The following SDK1 variants were observed in gnomAD, a reference collection of about 807,000 sequenced individuals.
SDK1 encodes the protein protein sidekick-1.
SDK1 carries 157 observed loss-of-function variants against 245.5 expected under a neutral mutation model. The observed-to-expected ratio is 0.64, with a 90% CI of 0.56 to 0.73. The LOEUF (loss-of-function observed/expected upper bound fraction) is 0.73, where lower values mean the gene tolerates loss of function less well. Ranked by LOEUF, SDK1 falls within the 30% of genes least tolerant of loss-of-function variation. The probability of loss-of-function intolerance (pLI) is 0.00; values close to 1 mark genes in which losing one functional copy is unlikely to be tolerated. For synonymous variants in SDK1, 1,647 were observed against 1,278.5 expected, an observed-to-expected ratio of 1.29 and a Z score of -6.15; for missense variants, 3,583 against 3,002.3, an observed-to-expected ratio of 1.19 and a Z score of -4.52.
At chr7:3,769,239 G>C (rs1157863910) in intron 4 of SDK1, among the ~76,000 whole-genome samples, 1 of 152,168 alleles carries the variant, frequency 6.6e-6, no homozygotes, top group Non-Finnish European at 1.5e-5. Context: ...TGAAGAAAAA[G>C]AATGTATTTC....
At chr7:3,913,328 C>T (rs916958195) in intron 5 of SDK1, among the ~76,000 whole-genome samples, 1 of 145,822 alleles carries the variant, frequency 6.9e-6, no homozygotes, top group Non-Finnish European at 1.5e-5. Context: ...GAGTCTCGCT[C>T]TGTCACCCAG....
At chr7:4,055,025 T>C (rs552582935) in intron 19 of SDK1, among the ~76,000 whole-genome samples, 6 of 152,366 alleles carry the variant, frequency 3.9e-5, no homozygotes, top group African/African-American at 1.4e-4. Flanking sequence ...CTTTTGCATG[T>C]AAGTTCATGA....
At chr7:3,569,794 T>A (rs1780050267) in intron 1 of SDK1, among the ~76,000 whole-genome samples, 1 of 152,212 alleles carries the variant, frequency 6.6e-6, no homozygotes, top group African/African-American at 2.4e-5. Context: ...TTGGCTTTTG[T>A]TAACTTTCGG....
intron 4 of SDK1, among the ~76,000 whole-genome samples, chr7:3,687,128 C>G (rs1784309435): frequency 6.9e-6 from 1 of 145,968 alleles, no homozygotes; most frequent in African/African-American, 2.6e-5. Context: ...GCATTGTTTC[C>G]AAGACAAATG....
intron 1 of SDK1, among the ~76,000 whole-genome samples, chr7:3,472,047 A>G (rs1041914262): frequency 7.9e-5 from 12 of 151,922 alleles, no homozygotes; most frequent in Non-Finnish European, 1.5e-4. Flanking sequence ...GTTTTTGCTG[A>G]TGAGATGGTA....
chr7:4,125,079 G>A (rs111066271), intron 25 of SDK1, among the ~76,000 whole-genome samples: 2,280 of 151,056 alleles, frequency 0.015, 67 homozygotes, highest in African/African-American at 0.053. Context: ...ATGGATGGAT[G>A]GATGGATGAT....
In SDK1 at chr7:3,642,035, A is replaced by G. The variant is rs965556598; in HGVS notation, c.643A>G (p.Ile215Val). ...TGCAGCGATTCTAAACCTGCTGCCC[A>G]TCACCAGCTACCCCAGACCTCAAGT... is the stretch of plus-strand genomic sequence containing the variant. ...GRAAILNLLP[I>V]TSYPRPQVTW... The change falls in exon 4 of 45, where the codon ATC (isoleucine) becomes GTC (valine). Residue 215 changes from isoleucine to valine, a missense_variant. By Grantham distance (29) the Ile-to-Val change is conservative. Transcript: ENST00000404826. 3 of 1,614,020 alleles carry G rather than the reference A, an allele frequency of 1.9e-6. No homozygotes were observed. The highest frequency in any genetic ancestry group is 2.5e-6 in the Non-Finnish European group (3 of 1,179,844).
intron 1 of SDK1, among the ~76,000 whole-genome samples, chr7:3,307,602 A>C (rs1384968363): frequency 6.6e-6 from 1 of 152,204 alleles, no homozygotes; most frequent in Admixed American, 6.5e-5. Flanking sequence ...TCCTGACAGA[A>C]AGCTCCAAAG....
intron 1 of SDK1, among the ~76,000 whole-genome samples, chr7:3,538,591 A>C (rs925189211): frequency 2.6e-5 from 4 of 152,192 alleles, no homozygotes; most frequent in African/African-American, 9.7e-5. Flanking sequence ...AATGCTGTCC[A>C]TATCTTGGAT....
At chr7:4,223,813 G>A (rs552106173) in intron 40 of SDK1, among the ~76,000 whole-genome samples, 8 of 152,302 alleles carry the variant, frequency 5.3e-5, no homozygotes, top group African/African-American at 1.7e-4. Flanking sequence ...ATAACTCATA[G>A]TAGGCCCTGT....
At chr7:3,853,526 C>T (rs566378101) in intron 5 of SDK1, among the ~76,000 whole-genome samples, 1 of 152,022 alleles carries the variant, frequency 6.6e-6, no homozygotes, top group South Asian at 2.1e-4. Context: ...GTTGTATATC[C>T]CTTATTCAAA....
Position 3,604,375 on chromosome 7 carries a change from T to G in SDK1, c.299-14705T>G, listed in dbSNP as rs574944482. ...CTCTTACCTTTATTATTTTCTTCCT[T>G]AAATTTATTTTCACTTTCCTTCTTT... On this transcript the variant is annotated intron_variant, in intron 1 of 44. Coordinates refer to ENST00000404826, the MANE Select transcript of SDK1 (RefSeq NM_152744.4). Among the ~76,000 whole-genome samples the G allele has an allele frequency of 1.8e-4, 28 of 152,274 alleles. No individual in the cohort carries two copies. The South Asian group carries it at 5.8e-3, about 32-fold the overall frequency.
At chr7:4,129,067 G>T (rs1175331916) in intron 26 of SDK1, among the ~76,000 whole-genome samples, 12 of 134,938 alleles carry the variant, frequency 8.9e-5, no homozygotes, top group Non-Finnish European at 1.9e-4. Flanking sequence ...TTGGGGTGGA[G>T]TCCCCTGGAA....
At chr7:3,625,068 T>G (rs565437861) in intron 2 of SDK1, among the ~76,000 whole-genome samples, 1 of 152,090 alleles carries the variant, frequency 6.6e-6, no homozygotes, top group African/African-American at 2.4e-5. Flanking sequence ...ATATATATAT[T>G]CAAATGAGTT....
chr7:4,012,353 A>G (rs1171920998), intron 16 of SDK1, 118 bp downstream of exon 16: 38 of 1,137,232 alleles, frequency 3.3e-5, no homozygotes, highest in Non-Finnish European at 4.0e-5. Context: ...GAGTCAGGCC[A>G]GGTGTGAGAT....
At chr7:3,445,127 C>A (rs953658298) in intron 1 of SDK1, among the ~76,000 whole-genome samples, 2 of 152,190 alleles carry the variant, frequency 1.3e-5, no homozygotes, top group African/African-American at 2.4e-5. Flanking sequence ...GTTGAAAAGG[C>A]AGATTTATAT....
intron 28 of SDK1, among the ~76,000 whole-genome samples, chr7:4,136,815 T>C (rs372768918): frequency 6.6e-6 from 1 of 152,256 alleles, no homozygotes; most frequent in African/African-American, 2.4e-5. Context: ...GCGGGAACTC[T>C]GCGGAGAATC....
chr7:3,695,628 G>C (rs1184580328), intron 4 of SDK1, among the ~76,000 whole-genome samples: 2 of 152,162 alleles, frequency 1.3e-5, no homozygotes, highest in Admixed American at 6.5e-5. Flanking sequence ...CTTGCAGTCA[G>C]AACTATAAAA....
intron 4 of SDK1, among the ~76,000 whole-genome samples, chr7:3,796,959 A>C (rs1778975364): frequency 6.6e-6 from 1 of 151,972 alleles, no homozygotes; most frequent in African/African-American, 2.4e-5. Context: ...CATAAATGTG[A>C]TCATATATTT....
Sources: gnomAD v4.1 joint callset for allele counts (sites outside exome capture counted in the v4.1 genomes callset) on GRCh38, gnomAD v4.1.1 for gene constraint, MANE v1.5 for transcripts, NCBI Gene and HGNC (gene_info 2026-07-23, HGNC 2026-07-21) for gene names.